The following DNAAF9 variants were observed in gnomAD, a reference collection of about 807,000 sequenced individuals.
DNAAF9 encodes the protein shulin.
In DNAAF9, 90 loss-of-function variants were observed where a neutral mutation model predicts 167.0. The observed-to-expected ratio is 0.54, with a 90% CI of 0.45 to 0.64. DNAAF9 has a LOEUF of 0.64. Ranked by LOEUF, DNAAF9 falls within the 30% of genes least tolerant of loss-of-function variation. The pLI is 0.00. For synonymous variants in DNAAF9, 491 were observed against 508.8 expected (o/e 0.96, Z 0.47); for missense variants, 1,315 against 1,442.2 (o/e 0.91, Z 1.43).
At chr20:3,330,794 T>C in intron 11 of DNAAF9, 112 bp from the exon 12 acceptor site, 1 of 499,216 alleles carries the variant, frequency 2.0e-6, no homozygotes, top group Non-Finnish European at 3.5e-6. Flanking sequence ...AACTACACTT[T>C]TTTTTTTTTT....
At position 3,375,132 on chromosome 20, in the gene DNAAF9, G is replaced by GATGA; in HGVS notation, c.409-7_409-6insTCAT. ...GCGGCTTCTTCATCTTCATACTGAAGAGACAAATCAAAAGAAAAATAAGCT... is the reference window on the plus strand; with the variant it reads ...GCGGCTTCTTCATCTTCATACTGAAGATGAAGACAAATCAAAAGAAAAATAAGCT... On this transcript the variant is annotated splice_polypyrimidine_tract_variant and splice_region_variant and intron_variant, in intron 4 of 36. Transcript: ENST00000252032. 1 of 1,545,086 alleles carries GATGA rather than the reference G, an allele frequency of 6.5e-7. No homozygotes were observed. Among genetic ancestry groups the GATGA allele is most frequent in the Non-Finnish European group, 8.9e-7 (1 of 1,119,028 alleles).
chr20:3,372,241 T>C (rs911709551), intron 6 of DNAAF9, among the ~76,000 whole-genome samples: 1 of 152,212 alleles, frequency 6.6e-6, no homozygotes, highest in African/African-American at 2.4e-5. Flanking sequence ...GAGAGGGCAC[T>C]GGCAGAGCCC....
rs1215021500 is a variant in DNAAF9 at position 3,394,942 on chromosome 20, CTTTTTTCTTTTTTTTTTTTTT to C, written c.84-12457_84-12437del. ...TTCCATGGCTTTTACTGAACATTTTCTTTTTTCTTTTTTTTTTTTTTTTTTTTTTTTTTTTTTTTTTTTGAG... is the reference window on the plus strand; with the variant it reads ...TTCCATGGCTTTTACTGAACATTTTCTTTTTTTTTTTTTTTTTTTTTTGAG... On this transcript the variant is annotated intron_variant, in intron 1 of 36. Transcript: ENST00000252032. Among the ~76,000 whole-genome samples the C allele has an allele frequency of 1.4e-3, 121 of 89,048 alleles. 2 individuals carry two copies. Among genetic ancestry groups the C allele is most frequent in the African/African-American group, 3.8e-3 (98 of 25,708 alleles). The allele number at this position is 89,048 out of a possible 152,430, so 58.4% of individuals were successfully genotyped here.
chr20:3,342,963 A>G (rs1328281083), intron 9 of DNAAF9, among the ~76,000 whole-genome samples: 1 of 152,072 alleles, frequency 6.6e-6, no homozygotes, highest in African/African-American at 2.4e-5. Context: ...CGGACTATGC[A>G]TATGTCACAT....
At position 3,405,281 on chromosome 20, in the gene DNAAF9, G is replaced by A. The variant is rs143858823; in HGVS notation, c.83+2194C>T. Among the ~76,000 whole-genome samples, 415 of 152,232 alleles carry A rather than the reference G, an allele frequency of 2.7e-3. 1 individual carries two copies. Among genetic ancestry groups the A allele is most frequent in the African/African-American group, 9.4e-3 (389 of 41,508 alleles). ...TCTCCATCTGTGAAAATGAACTACC[G>A]TGCTAGAACCATACACTTGCAGAGT... On this transcript the variant is annotated intron_variant, in intron 1 of 36. Transcript: ENST00000252032.
chr20:3,299,243 G>A (rs8121115), intron 21 of DNAAF9, among the ~76,000 whole-genome samples: 4,517 of 152,114 alleles, frequency 0.03, 100 homozygotes, highest in African/African-American at 0.056. Flanking sequence ...TTATTGTACA[G>A]GGTATAAAGT....
intron 1 of DNAAF9, among the ~76,000 whole-genome samples, chr20:3,400,068 A>G (rs1204576752): frequency 6.6e-6 from 1 of 152,224 alleles, no homozygotes; most frequent in African/African-American, 2.4e-5. Context: ...AAGTTTGTTC[A>G]CTATATTCCA....
chr20:3,288,324 C>T (rs182935786), intron 26 of DNAAF9, among the ~76,000 whole-genome samples: 83 of 152,352 alleles, frequency 5.4e-4, no homozygotes, highest in Non-Finnish European at 5.1e-4. Flanking sequence ...GTGGCGCATG[C>T]CTGTAATCCC....
Position 3,315,785 on chromosome 20 carries a change from C to T in DNAAF9, c.1540G>A (p.Val514Met). The T allele has an allele frequency of 6.2e-7, 1 of 1,613,114 alleles. No homozygotes were observed. Among genetic ancestry groups the T allele is most frequent in the Non-Finnish European group, 8.5e-7 (1 of 1,179,038 alleles). ...GACAATTTTACTTCATTATCTTCCA[C>T]CTGTGTCCAAAAGGAATGCAGATTT... ...AAVPRFCSWL[V>M]EDNEVKLSEK... Residue 514 changes from valine to methionine, a missense_variant and splice_region_variant, in exon 19 of 37, where the codon GTG becomes ATG. Around this residue, in one of 2 missense-constraint regions of DNAAF9, gnomAD observed 981 missense variants for 1,012.5 expected, o/e 0.97. Coordinates refer to ENST00000252032, the MANE Select transcript of DNAAF9 (RefSeq NM_001009984.3). The surrounding 1 kb of genome is among the most constrained non-coding windows in gnomAD (Gnocchi z 4.1).
intron 21 of DNAAF9, among the ~76,000 whole-genome samples, chr20:3,303,629 G>T (rs944638199): frequency 6.6e-6 from 1 of 152,162 alleles, no homozygotes; most frequent in Non-Finnish European, 1.5e-5. Flanking sequence ...GCTCTATATG[G>T]AAGAAAAACT....
At chr20:3,365,255 A>C (rs1311849053) in intron 6 of DNAAF9, among the ~76,000 whole-genome samples, 2 of 152,196 alleles carry the variant, frequency 1.3e-5, no homozygotes, top group African/African-American at 4.8e-5. Flanking sequence ...GATTACAGGC[A>C]CAATCCACTA....
intron 1 of DNAAF9, among the ~76,000 whole-genome samples, chr20:3,403,828 T>A (rs1169464532): frequency 6.6e-6 from 1 of 152,138 alleles, no homozygotes; most frequent in Non-Finnish European, 1.5e-5. Context: ...AATCAATTTA[T>A]GTTTTTTAGA....
chr20:3,349,214 A>AAAAAAAAAAAG (rs1365138439), intron 7 of DNAAF9, among the ~76,000 whole-genome samples: 1 of 150,194 alleles, frequency 6.7e-6, no homozygotes, highest in Admixed American at 6.6e-5. Flanking sequence ...CAAAAAAAAA[A>AAAAAAAAAAAG]AAAACACCAT....
At chr20:3,385,469 G>C (rs1600903925) in intron 1 of DNAAF9, among the ~76,000 whole-genome samples, 1 of 152,042 alleles carries the variant, frequency 6.6e-6, no homozygotes, top group Non-Finnish European at 1.5e-5. Flanking sequence ...CCAGGTTGGA[G>C]TGCAGTGGTG....
intron 10 of DNAAF9, among the ~76,000 whole-genome samples, chr20:3,338,471 C>T (rs903213611): frequency 6.6e-6 from 1 of 152,034 alleles, no homozygotes; most frequent in Non-Finnish European, 1.5e-5. Context: ...GGGATTTATC[C>T]TGCTTGGTGT....
At chr20:3,387,364 A>C (rs2083757688) in intron 1 of DNAAF9, among the ~76,000 whole-genome samples, 1 of 152,216 alleles carries the variant, frequency 6.6e-6, no homozygotes, top group Non-Finnish European at 1.5e-5. Flanking sequence ...ATACCTGGTC[A>C]AATGATTTTG....
chr20:3,301,357 T>A (rs1325169867), intron 21 of DNAAF9, among the ~76,000 whole-genome samples: 1 of 152,080 alleles, frequency 6.6e-6, no homozygotes, highest in African/African-American at 2.4e-5. Context: ...CCAGCTAATT[T>A]CTGTATTTTT....
At chr20:3,365,637 C>T (rs921082032) in intron 6 of DNAAF9, among the ~76,000 whole-genome samples, 5 of 152,018 alleles carry the variant, frequency 3.3e-5, no homozygotes, top group Non-Finnish European at 5.9e-5. Flanking sequence ...GGTGATCCGC[C>T]CACCTTGGCC....
At chr20:3,254,698 T>C (rs909947462) in intron 35 of DNAAF9, among the ~76,000 whole-genome samples, 1 of 152,154 alleles carries the variant, frequency 6.6e-6, no homozygotes, top group Non-Finnish European at 1.5e-5. Flanking sequence ...AGACTCTGTG[T>C]CCTTTTTAGC....
Sources: allele counts gnomAD v4.1 joint callset (sites outside exome capture counted in the v4.1 genomes callset), GRCh38; gene constraint gnomAD v4.1.1; regional missense constraint gnomAD v4.1.1; non-coding constraint Gnocchi (gnomAD v3.1); transcripts MANE v1.5; gene names NCBI Gene and HGNC (gene_info 2026-07-23, HGNC 2026-07-21).